The following FARP1 variants were observed in gnomAD, a reference collection of about 807,000 sequenced individuals.
The protein encoded by FARP1 is FERM, ARH/RhoGEF and pleckstrin domain protein 1, also known as FERM, ARHGEF and pleckstrin domain-containing protein 1.
Under a neutral mutation model 128.8 loss-of-function variants are expected in FARP1, and 52 were observed. That is an observed-to-expected ratio of 0.40 (90% confidence interval 0.32 to 0.51). The LOEUF (loss-of-function observed/expected upper bound fraction) is 0.51, where lower values mean the gene tolerates loss of function less well. Ranked by LOEUF, FARP1 falls within the 20% of genes least tolerant of loss-of-function variation. The pLI, the probability that FARP1 is intolerant of heterozygous loss-of-function variation, is 0.45. For synonymous variants in FARP1, 580 were observed against 551.8 expected (o/e 1.05, Z -0.72); for missense variants, 1,333 against 1,367.9 (o/e 0.97, Z 0.40).
intron 14 of FARP1, among the ~76,000 whole-genome samples, chr13:98,409,962 C>T (rs1355521357): frequency 2.6e-5 from 4 of 152,210 alleles, no homozygotes; most frequent in African/African-American, 7.2e-5. Flanking sequence ...AGTGATGTCC[C>T]GCTGTGTGTA....
At chr13:98,232,013 A>G (rs1882142366) in intron 2 of FARP1, among the ~76,000 whole-genome samples, 1 of 151,900 alleles carries the variant, frequency 6.6e-6, no homozygotes. Flanking sequence ...TATTTTTAGT[A>G]AAGATGGGGT....
chr13:98,197,720 C>T (rs1209314964), intron 1 of FARP1, among the ~76,000 whole-genome samples: 3 of 151,688 alleles, frequency 2.0e-5, no homozygotes, highest in South Asian at 2.1e-4. Context: ...CTGCAAGCTC[C>T]GCCTCCCGGG....
intron 16 of FARP1, among the ~76,000 whole-genome samples, chr13:98,416,683 G>A (rs1891386821): frequency 6.6e-6 from 1 of 152,200 alleles, no homozygotes; most frequent in Non-Finnish European, 1.5e-5. Context: ...ACAACCTTTG[G>A]CGTGCAGTCA....
chr13:98,148,802 A>G (rs901851844), intron 1 of FARP1, among the ~76,000 whole-genome samples: 3 of 151,792 alleles, frequency 2.0e-5, no homozygotes, highest in African/African-American at 7.3e-5. Flanking sequence ...ATTTGTAACT[A>G]GTCTGCCTTT....
chr13:98,276,318 G>A (rs1018842228), intron 2 of FARP1, among the ~76,000 whole-genome samples: 3 of 152,152 alleles, frequency 2.0e-5, no homozygotes, highest in African/African-American at 7.2e-5. Flanking sequence ...CTGGGGTTTA[G>A]GATTTATATA....
At chr13:98,432,703 C>G (rs1360690847) in intron 18 of FARP1, 1 of 152,296 alleles carries the variant, frequency 6.6e-6, no homozygotes, top group African/African-American at 2.4e-5. Flanking sequence ...CTGCCTCAGG[C>G]TAAAATCGGA....
intron 2 of FARP1, chr13:98,244,690 A>C: frequency 6.2e-7 from 1 of 1,613,950 alleles, no homozygotes; most frequent in Non-Finnish European, 8.5e-7. Context: ...GTCACTGAAG[A>C]GCTTCTTAAT....
intron 1 of FARP1, among the ~76,000 whole-genome samples, chr13:98,152,081 C>A (rs1464271604): frequency 6.6e-6 from 1 of 152,150 alleles, no homozygotes; most frequent in East Asian, 1.9e-4. Flanking sequence ...GCAGTTTCAG[C>A]CATCAAATAC....
intron 1 of FARP1, among the ~76,000 whole-genome samples, chr13:98,203,042 T>C (rs1470058917): frequency 1.3e-5 from 2 of 152,156 alleles, no homozygotes; most frequent in Non-Finnish European, 2.9e-5. Flanking sequence ...TAATTAAACA[T>C]ATAGGTATAT....
At chr13:98,171,003 C>T (rs534565418) in intron 1 of FARP1, among the ~76,000 whole-genome samples, 3 of 152,250 alleles carry the variant, frequency 2.0e-5, no homozygotes, top group East Asian at 3.9e-4. Flanking sequence ...CAAAGGAAAT[C>T]CTCAAATATC....
At chr13:98,235,136 C>G (rs2139420575) in intron 2 of FARP1, among the ~76,000 whole-genome samples, 1 of 152,200 alleles carries the variant, frequency 6.6e-6, no homozygotes, top group African/African-American at 2.4e-5. Context: ...GTGTGTACCC[C>G]ACCTTCTGGC....
intron 2 of FARP1, among the ~76,000 whole-genome samples, chr13:98,241,422 GAAGA>G (rs1156995071): frequency 6.6e-6 from 1 of 152,164 alleles, no homozygotes; most frequent in East Asian, 1.9e-4. Flanking sequence ...CAGGCACATG[GAAGA>G]GACCACCTCT....
chr13:98,278,820 G>GTTAT (rs370815386), intron 2 of FARP1, among the ~76,000 whole-genome samples: 6,011 of 151,418 alleles, frequency 0.04, 159 homozygotes, highest in African/African-American at 0.069. Context: ...TCATTTTAAT[G>GTTAT]TTATTTATTT....
chr13:98,225,666 G>A (rs1266614637), intron 2 of FARP1, among the ~76,000 whole-genome samples: 1 of 152,220 alleles, frequency 6.6e-6, no homozygotes, highest in Non-Finnish European at 1.5e-5. Flanking sequence ...ATTTTCTCCA[G>A]AAAACTGGTT....
chr13:98,323,450 G>A (rs1366661122), intron 2 of FARP1, among the ~76,000 whole-genome samples: 5 of 142,632 alleles, frequency 3.5e-5, no homozygotes, highest in Non-Finnish European at 6.4e-5. Flanking sequence ...TACAGTAGAA[G>A]TATTTTTTTT....
intron 2 of FARP1, among the ~76,000 whole-genome samples, chr13:98,221,471 C>T (rs1881408817): frequency 1.3e-5 from 2 of 152,012 alleles, no homozygotes; most frequent in African/African-American, 4.8e-5. Context: ...AAGCTGTGTC[C>T]CAAGGGGCCT....
At chr13:98,149,105 CTT>C (rs1481605708) in intron 1 of FARP1, among the ~76,000 whole-genome samples, 1 of 152,174 alleles carries the variant, frequency 6.6e-6, no homozygotes, top group Non-Finnish European at 1.5e-5. Context: ...CCAGGCTAGT[CTT>C]GAACTGCTGG....
chr13:98,423,801 G>A (rs1304832537), intron 16 of FARP1, among the ~76,000 whole-genome samples: 1 of 152,202 alleles, frequency 6.6e-6, no homozygotes, highest in Non-Finnish European at 1.5e-5. Flanking sequence ...TCTGGTACAT[G>A]GACAGTACTT....
intron 1 of FARP1, among the ~76,000 whole-genome samples, chr13:98,163,469 C>T (rs1420776794): frequency 6.6e-6 from 1 of 151,614 alleles, no homozygotes; most frequent in Non-Finnish European, 1.5e-5. Context: ...AAATTAAAAA[C>T]AAAAAATTGC....
Sources: gnomAD v4.1 joint callset for allele counts (sites outside exome capture counted in the v4.1 genomes callset) on GRCh38, gnomAD v4.1.1 for gene constraint, MANE v1.5 for transcripts, NCBI Gene and HGNC (gene_info 2026-07-23, HGNC 2026-07-21) for gene names.